Variants in RSRC1 observed in about 807,000 individuals in gnomAD.
RSRC1 encodes arginine and serine rich coiled-coil 1, also known as serine/Arginine-related protein 53.
In RSRC1, 39 loss-of-function variants were observed where a neutral mutation model predicts 49.1. That is an observed-to-expected ratio of 0.79 (90% CI 0.61 to 1.04). RSRC1 has a LOEUF of 1.04. Among genes scored for constraint, RSRC1 ranks in the 50% least tolerant of loss-of-function variants. The pLI is 0.00. For missense variants in RSRC1, 388 were observed against 402.4 expected, an observed-to-expected ratio of 0.96 and a Z score of 0.31; for synonymous variants, 143 against 130.8, an observed-to-expected ratio of 1.09 and a Z score of -0.63.
chr3:158,509,631 T>C (rs1217458172), intron 7 of RSRC1, among the ~76,000 whole-genome samples: 3 of 152,188 alleles, frequency 2.0e-5, no homozygotes, highest in African/African-American at 7.2e-5. Context: ...CAAGATATTA[T>C]ATTAATATTT....
rs539554536 is a variant in RSRC1 at position 158,256,713 on chromosome 3, G to A, written c.495-41326G>A. Reference sequence around the variant, plus strand: ...TCCATCTGTTCCTGGACTTTTTTTGGTTGGTAGGCTATTAATTATTACCTC... The same window carrying A: ...TCCATCTGTTCCTGGACTTTTTTTGATTGGTAGGCTATTAATTATTACCTC... On this transcript the variant is annotated intron_variant, in intron 4 of 9. Coordinates refer to ENST00000611884, the MANE Select transcript of RSRC1 (RefSeq NM_001271838.2). 1.2e-4 allele frequency among the ~76,000 whole-genome samples: 19 copies of A among 152,190 alleles called. 1 individual carries two copies. The highest frequency in any genetic ancestry group is 1.0e-3 in the Admixed American group (16 of 15,298).
chr3:158,523,180 C>G (rs923084239), intron 7 of RSRC1, among the ~76,000 whole-genome samples: 1 of 152,008 alleles, frequency 6.6e-6, no homozygotes, highest in Non-Finnish European at 1.5e-5. Context: ...TGAAAAGTCT[C>G]TTATTAATCA....
intron 4 of RSRC1, among the ~76,000 whole-genome samples, chr3:158,289,220 G>A (rs915040886): frequency 2.6e-5 from 4 of 152,052 alleles, no homozygotes; most frequent in Admixed American, 1.3e-4. Flanking sequence ...GTTATCTAGA[G>A]CATGACTTCA....
chr3:158,118,660 T>G (rs114586334), intron 1 of RSRC1, among the ~76,000 whole-genome samples: 1,676 of 152,358 alleles, frequency 0.011, 17 homozygotes, highest in South Asian at 0.03. Flanking sequence ...TCTTTCTGTT[T>G]TAGTTTCTGT....
chr3:158,262,534 G>A (rs967858245), intron 4 of RSRC1, among the ~76,000 whole-genome samples: 1 of 152,044 alleles, frequency 6.6e-6, no homozygotes, highest in Non-Finnish European at 1.5e-5. Flanking sequence ...AAGTTGTTTT[G>A]ACTGTCTTAA....
chr3:158,223,590 A>AGTTTTT (rs1722345828), intron 4 of RSRC1, among the ~76,000 whole-genome samples: 1 of 145,668 alleles, frequency 6.9e-6, no homozygotes, highest in Non-Finnish European at 1.5e-5. Context: ...TAGCTTCCTG[A>AGTTTTT]TTTTTTTTTT....
chr3:158,206,123 T>A (rs1721332370), intron 4 of RSRC1, among the ~76,000 whole-genome samples: 1 of 152,222 alleles, frequency 6.6e-6, no homozygotes, highest in Non-Finnish European at 1.5e-5. Context: ...TGGCTTAAAC[T>A]ATGAGTGCAC....
intron 5 of RSRC1, among the ~76,000 whole-genome samples, chr3:158,311,121 C>T (rs896910981): frequency 6.6e-6 from 1 of 151,844 alleles, no homozygotes. Context: ...CAAAATTAAT[C>T]ATTCCCTATA....
At chr3:158,418,739 G>A (rs925340875) in intron 6 of RSRC1, among the ~76,000 whole-genome samples, 1 of 151,944 alleles carries the variant, frequency 6.6e-6, no homozygotes, top group African/African-American at 2.4e-5. Context: ...GCCTTGAGTA[G>A]AGCAGAATTT....
chr3:158,360,922 C>T (rs1451024065), intron 6 of RSRC1, among the ~76,000 whole-genome samples: 2 of 152,190 alleles, frequency 1.3e-5, no homozygotes, highest in African/African-American at 4.8e-5. Context: ...GCATGCAGCC[C>T]CAGCTGCGCC....
intron 4 of RSRC1, among the ~76,000 whole-genome samples, chr3:158,248,952 G>A (rs575169811): frequency 6.6e-6 from 1 of 152,146 alleles, no homozygotes; most frequent in South Asian, 2.1e-4. Flanking sequence ...ACCAATAGTT[G>A]GTATTGTTGT....
At chr3:158,355,586 A>G (rs1194918953) in intron 6 of RSRC1, among the ~76,000 whole-genome samples, 1 of 151,946 alleles carries the variant, frequency 6.6e-6, no homozygotes, top group Non-Finnish European at 1.5e-5. Flanking sequence ...TTATTTCTCA[A>G]GGTACTATAA....
At chr3:158,318,408 GT>G (rs1728585467) in intron 5 of RSRC1, among the ~76,000 whole-genome samples, 2 of 152,104 alleles carry the variant, frequency 1.3e-5, no homozygotes, top group Non-Finnish European at 2.9e-5. Flanking sequence ...TTTCCCTACT[GT>G]TTAGTTTGAA....
intron 4 of RSRC1, among the ~76,000 whole-genome samples, chr3:158,235,017 A>G (rs1221534336): frequency 6.6e-6 from 1 of 152,166 alleles, no homozygotes; most frequent in African/African-American, 2.4e-5. Flanking sequence ...CTGCTTAAGA[A>G]CAGCAGGGTT....
intron 6 of RSRC1, among the ~76,000 whole-genome samples, chr3:158,356,445 C>T (rs1477911284): frequency 6.6e-6 from 1 of 152,056 alleles, no homozygotes; most frequent in Non-Finnish European, 1.5e-5. Context: ...ATAGAAGTAA[C>T]TTACCATGTA....
At chr3:158,202,053 C>T (rs1273946636) in intron 3 of RSRC1, among the ~76,000 whole-genome samples, 1 of 152,132 alleles carries the variant, frequency 6.6e-6, no homozygotes, top group Non-Finnish European at 1.5e-5. Flanking sequence ...CTTTCTCTGT[C>T]ACCCAGGCTG....
chr3:158,350,348 GT>G (rs563883604), intron 5 of RSRC1, among the ~76,000 whole-genome samples: 3 of 151,380 alleles, frequency 2.0e-5, no homozygotes, highest in South Asian at 4.2e-4. Context: ...TAATTTTTGT[GT>G]TTTTGGTAGA....
chr3:158,266,938 A>AT (rs776411339), intron 4 of RSRC1, among the ~76,000 whole-genome samples: 7 of 151,920 alleles, frequency 4.6e-5, no homozygotes, highest in Non-Finnish European at 8.8e-5. Flanking sequence ...TAATTTTTGT[A>AT]TTTTTTGTAG....
At chr3:158,408,207 A>G (rs915081166) in intron 6 of RSRC1, among the ~76,000 whole-genome samples, 3 of 152,206 alleles carry the variant, frequency 2.0e-5, no homozygotes, top group Admixed American at 6.5e-5. Context: ...GCCATTATTA[A>G]AACTTATTTT....
Sources: gnomAD v4.1 joint callset for allele counts (sites outside exome capture counted in the v4.1 genomes callset) on GRCh38, gnomAD v4.1.1 for gene constraint, MANE v1.5 for transcripts, NCBI Gene and HGNC (gene_info 2026-07-23, HGNC 2026-07-21) for gene names.